The following SCN2A variants were observed in gnomAD, a reference collection of about 807,000 sequenced individuals.
SCN2A encodes the protein sodium voltage-gated channel alpha subunit 2.
Under a neutral mutation model 188.7 loss-of-function variants are expected in SCN2A, and 20 were observed. That is an observed-to-expected ratio of 0.11 (90% CI 0.07 to 0.15). The LOEUF (loss-of-function observed/expected upper bound fraction) is 0.15. SCN2A is among the 10% of genes least tolerant of loss of function. The probability of loss-of-function intolerance (pLI) is 1.00; values close to 1 mark genes in which losing one functional copy is unlikely to be tolerated. For missense variants in SCN2A, 1,278 were observed against 2,445.0 expected, an observed-to-expected ratio of 0.52 and a Z score of 10.07; for synonymous variants, 804 against 833.1, an observed-to-expected ratio of 0.97 and a Z score of 0.60.
Position 165,342,618 on chromosome 2 carries a change from G to A in SCN2A, c.2562+149G>A. The A allele has an allele frequency of 4.9e-6, 4 of 813,604 alleles. No individual in the cohort carries two copies. The South Asian group carries it at 5.9e-5, about 12-fold the overall frequency. 50.4% of individuals were successfully genotyped at this position (813,604 alleles called of 1,614,324 possible). On this transcript the variant is annotated intron_variant, in intron 15 of 26. Transcript: ENST00000375437. ...TGGATTGCCATACCACCAAATGGTA[G>A]TTTCTTCTTCATCATAGCTTTAATA...
intron 1 of SCN2A, chr2:165,245,428 C>G (rs1382948235): frequency 6.6e-6 from 1 of 152,290 alleles, no homozygotes; most frequent in African/African-American, 2.4e-5. Flanking sequence ...TTTCCTGAGG[C>G]CTTCCCAGCC....
Position 165,296,041 on chromosome 2 carries a change from T to A in SCN2A, c.218T>A (p.Met73Lys). The A allele has an allele frequency of 6.2e-7, 1 of 1,614,142 alleles. No individual in the cohort carries two copies. Among genetic ancestry groups the A allele is most frequent in the Non-Finnish European group, 8.5e-7 (1 of 1,180,030 alleles). ...PFIYGDIPPE[M>K]VSVPLEDLDP... Reference sequence around the variant, plus strand: ...ATTTATGGAGACATTCCTCCAGAGATGGTGTCAGTGCCCCTGGAGGATCTG... The same window carrying A: ...ATTTATGGAGACATTCCTCCAGAGAAGGTGTCAGTGCCCCTGGAGGATCTG... Residue 73 changes from methionine (M) to lysine (K), a missense_variant, in exon 2 of 27, where the codon ATG (methionine) becomes AAG (lysine). Met to Lys is a moderately conservative substitution (Grantham distance 95). Transcript: ENST00000375437.
At chr2:165,256,410 G>A (rs1452847901) in intron 1 of SCN2A, among the ~76,000 whole-genome samples, 1 of 152,132 alleles carries the variant, frequency 6.6e-6, no homozygotes, top group African/African-American at 2.4e-5. Context: ...TGCAACAACT[G>A]TGGTAGCCTT....
At position 165,315,701 on chromosome 2, in the gene SCN2A, T is replaced by G. The variant is rs377052389; in HGVS notation, c.1614T>G (p.Arg538=). The part of the protein sequence containing the change: ...SEDSIRRKGF[R]FSLEGSRLTY... Reference sequence around the variant, plus strand: ...ACAGCATAAGAAGAAAAGGTTTCCGTTTTTCCTTGGAAGGAAGTAGGCTGA... The same window carrying G: ...ACAGCATAAGAAGAAAAGGTTTCCGGTTTTCCTTGGAAGGAAGTAGGCTGA... The change falls in exon 11 of 27, where the codon CGT becomes CGG. Residue 538 remains arginine (R), a synonymous_variant. Transcript: ENST00000375437. The G allele has an allele frequency of 4.3e-6, 7 of 1,613,386 alleles. No individual in the cohort carries two copies. Among genetic ancestry groups the G allele is most frequent in the African/African-American group, 1.3e-5 (1 of 74,842 alleles).
chr2:165,326,869 A>G lies in SCN2A; in HGVS notation c.2034A>G (p.Thr678=), dbSNP rs147891446. 12,033 of 1,613,978 alleles carry G rather than the reference A, an allele frequency of 7.5e-3. 84 individuals carry two copies. Among genetic ancestry groups the G allele is most frequent in the South Asian group, 0.018 (1,678 of 91,082 alleles). The part of the protein sequence containing the change: ...QLLPEGTTTE[T]EIRKRRSSSY... ...ACTTCTAGGGCACAACTACTGAAAC[A>G]GAAATAAGAAAGAGACGGTCCAGTT... Residue 678 remains threonine (T), a synonymous_variant, in exon 13 of 27, where the codon ACA becomes ACG. Coordinates refer to ENST00000375437, the MANE Select transcript of SCN2A (RefSeq NM_001040142.2).
intron 3 of SCN2A, among the ~76,000 whole-genome samples, chr2:165,302,424 T>G (rs1696864946): frequency 6.6e-6 from 1 of 152,206 alleles, no homozygotes; most frequent in Admixed American, 6.5e-5. Context: ...ATCTTCTACT[T>G]CTAGTTTATA....
At chr2:165,348,997 T>C (rs997857739) in intron 16 of SCN2A, among the ~76,000 whole-genome samples, 7 of 152,338 alleles carry the variant, frequency 4.6e-5, no homozygotes, top group Non-Finnish European at 8.8e-5. Context: ...AGCTAGTCAC[T>C]AAGAAGAGCT....
chr2:165,259,390 C>T (rs9973937), intron 1 of SCN2A, among the ~76,000 whole-genome samples: 57,285 of 151,932 alleles, frequency 0.38, 11,194 homozygotes, highest in African/African-American at 0.48. Flanking sequence ...GAAAGATTTC[C>T]CTTTGGCATG....
At chr2:165,247,904 C>T (rs1337665131) in intron 1 of SCN2A, among the ~76,000 whole-genome samples, 2 of 152,156 alleles carry the variant, frequency 1.3e-5, no homozygotes, top group African/African-American at 2.4e-5. Flanking sequence ...CTCCAATCCT[C>T]GCTTTCCCCA....
At chr2:165,388,439 A>G (rs1293425382) in intron 26 of SCN2A, among the ~76,000 whole-genome samples, 190 bp from the exon 27 acceptor site, 1 of 152,148 alleles carries the variant, frequency 6.6e-6, no homozygotes, top group Non-Finnish European at 1.5e-5. Context: ...TTCATTTAAT[A>G]TAAAGATGTA....
intron 25 of SCN2A, among the ~76,000 whole-genome samples, chr2:165,382,174 A>G (rs1249317921): frequency 6.6e-6 from 1 of 152,106 alleles, no homozygotes; most frequent in African/African-American, 2.4e-5. Flanking sequence ...CAAATATATC[A>G]GTGCAGAATA....
Position 165,373,838 on chromosome 2 carries a change from A to C in SCN2A, c.3972+491A>C, listed in dbSNP as rs112858285. On this transcript the variant is annotated intron_variant, in intron 21 of 26. Coordinates refer to ENST00000375437, the MANE Select transcript of SCN2A (RefSeq NM_001040142.2). ...TAACGCTCATTTAGAAGGGTGGTAC[A>C]AAAGAACAGAGGAGTTTGTGCTGAC... Among the ~76,000 whole-genome samples, 116 of 152,214 alleles carry C rather than the reference A, an allele frequency of 7.6e-4. 1 individual carries two copies. In the East Asian group the frequency reaches 0.022, roughly 29 times the overall value.
At chr2:165,309,321 A>G in intron 5 of SCN2A, 31 bp from the exon 6 acceptor site, 6 of 1,613,558 alleles carry the variant, frequency 3.7e-6, no homozygotes, top group Non-Finnish European at 5.1e-6. Flanking sequence ...GTGTTCTGTC[A>G]TTGTGTTTGT....
intron 6 of SCN2A, among the ~76,000 whole-genome samples, chr2:165,309,736 AAG>A (rs1697333762): frequency 6.6e-6 from 1 of 152,296 alleles, no homozygotes; most frequent in East Asian, 1.9e-4. Flanking sequence ...AAGCTAGACT[AAG>A]AGACATTCAG....
At chr2:165,279,588 G>A (rs1208523383) in intron 1 of SCN2A, among the ~76,000 whole-genome samples, 2 of 152,034 alleles carry the variant, frequency 1.3e-5, no homozygotes, top group African/African-American at 4.8e-5. Flanking sequence ...AAAATAGATG[G>A]ATGGGAAACA....
In SCN2A at chr2:165,367,248, A is replaced by C; in HGVS notation, c.3552A>C (p.Ile1184=). 1 of 1,614,148 alleles carries C rather than the reference A, an allele frequency of 6.2e-7. No individual in the cohort carries two copies. The highest frequency in any genetic ancestry group is 8.5e-7 in the Non-Finnish European group (1 of 1,180,012). ...DCVRKFKCCQ[I]SIEEGKGKLW... is the part of the protein sequence containing the mutation. ...TACGGAAGTTCAAGTGTTGTCAGAT[A>C]AGCATAGAAGAAGGCAAAGGGAAAC... The change falls in exon 19 of 27, where the codon ATA becomes ATC. Residue 1184 remains isoleucine, a synonymous_variant. Transcript: ENST00000375437.
At chr2:165,292,914 G>GT (rs1696296270) in intron 1 of SCN2A, among the ~76,000 whole-genome samples, 1 of 152,224 alleles carries the variant, frequency 6.6e-6, no homozygotes, top group Non-Finnish European at 1.5e-5. Context: ...CTGGCACTTA[G>GT]TAAGTCCTCA....
chr2:165,337,581 C>T (rs919984193), intron 14 of SCN2A, among the ~76,000 whole-genome samples: 3 of 151,776 alleles, frequency 2.0e-5, no homozygotes, highest in Non-Finnish European at 4.4e-5. Context: ...TGGAAACAAC[C>T]GGAAGAAAAA....
Position 165,389,827 on chromosome 2 carries a change from A to G in SCN2A, c.*3A>G, listed in dbSNP as rs771434032. ...ATATCAGGGAAAGTAAAAAGTAAAA[A>G]GAAACCAAGAATTTTCCATTTTGTG... On this transcript the variant is annotated 3_prime_UTR_variant, in exon 27 of 27. Transcript: ENST00000375437. The surrounding 1 kb of genome is among the most constrained non-coding windows in gnomAD (Gnocchi z 4.2). 1 of 1,598,714 alleles carries G rather than the reference A, an allele frequency of 6.3e-7. No individual in the cohort carries two copies. Among genetic ancestry groups the G allele is most frequent in the Non-Finnish European group, 8.5e-7 (1 of 1,172,088 alleles).
Sources: allele counts gnomAD v4.1 joint callset (sites outside exome capture counted in the v4.1 genomes callset), GRCh38; gene constraint gnomAD v4.1.1; non-coding constraint Gnocchi (gnomAD v3.1); transcripts MANE v1.5; gene names NCBI Gene and HGNC (gene_info 2026-07-23, HGNC 2026-07-21).